The following CDH26 variants were observed in gnomAD, a reference collection of about 807,000 sequenced individuals.
CDH26 encodes cadherin 26.
A neutral mutation model predicts 90.3 loss-of-function variants in CDH26; 83 were observed. The ratio of observed to expected loss-of-function variants is 0.92; its 90% confidence interval spans 0.77 to 1.10. The LOEUF is 1.10. CDH26 is among the 50% of genes least tolerant of loss of function. The probability of loss-of-function intolerance (pLI) is 0.00; values close to 1 mark genes in which losing one functional copy is unlikely to be tolerated. For synonymous variants in CDH26, 397 were observed against 396.3 expected (o/e 1.00, Z -0.02); for missense variants, 1,013 against 1,037.6 (o/e 0.98, Z 0.33).
At position 60,013,838 on chromosome 20, in the gene CDH26, C is replaced by T. The variant is rs2061879491; in HGVS notation, c.*1108C>T. On this transcript the variant is annotated 3_prime_UTR_variant, in exon 18 of 18. Coordinates refer to ENST00000348616, the MANE Select transcript of CDH26 (RefSeq NM_177980.4). ...TCTTTTTAAGGAGATCTGGCCTTTT[C>T]CTACCTGGTTACCTCAGTCTTCCTC... 1 of 152,084 alleles carries T rather than the reference C, an allele frequency of 6.6e-6. No individual in the cohort carries two copies. Among genetic ancestry groups the T allele is most frequent in the Non-Finnish European group, 1.5e-5 (1 of 68,016 alleles). The allele number at this position is 152,084 out of a possible 1,614,324, so 9.4% of individuals were successfully genotyped here.
chr20:60,026,396 G>C (rs1420177325), intron 7 of CDH26, among the ~76,000 whole-genome samples: 1 of 65,644 alleles, frequency 1.5e-5, no homozygotes, highest in Non-Finnish European at 3.1e-5. Context: ...GAGTTAGAGA[G>C]AGAGAGAGAG....
Position 59,980,089 on chromosome 20 carries a change from G to T in CDH26, c.394-2834G>T, listed in dbSNP as rs536424857. ...TTGCATTCTCATTAGAAACGTATAA[G>T]AATTCTGATTGCTCTGCATCTTTGG... On this transcript the variant is annotated intron_variant, in intron 4 of 17. Coordinates refer to ENST00000348616, the MANE Select transcript of CDH26 (RefSeq NM_177980.4). 2.6e-5 allele frequency among the ~76,000 whole-genome samples: 4 copies of T among 152,240 alleles called. No homozygotes were observed. In the South Asian group the frequency reaches 8.3e-4, roughly 32 times the overall value.
At chr20:60,021,897 C>CACACACACACACACACACACACATAT (rs1295572684) in intron 7 of CDH26, among the ~76,000 whole-genome samples, 6 of 78,992 alleles carry the variant, frequency 7.6e-5, no homozygotes, top group Admixed American at 1.3e-4. Context: ...CACACACACA[C>CACACACACACACACACACACACATAT]ATATATATAT....
Position 60,013,573 on chromosome 20 carries a change from G to C in CDH26, c.*843G>C, listed in dbSNP as rs1245705337. ...TTTCTAGTCTGAGTAATAGATAAGA[G>C]ACTGACTAAGCAAAGTTTAAAATGC... On this transcript the variant is annotated 3_prime_UTR_variant, in exon 18 of 18. Transcript: ENST00000348616. 6.6e-6 allele frequency: 1 copy of C among 152,188 alleles called. No individual in the cohort carries two copies. The highest frequency in any genetic ancestry group is 1.5e-5 in the Non-Finnish European group (1 of 68,024). 9.4% of individuals were successfully genotyped at this position (152,188 alleles called of 1,614,324 possible). A position where few individuals can be genotyped will look rare whatever the true frequency, so the allele number is the denominator to read the frequency against.
At position 59,996,692 on chromosome 20, in the gene CDH26, T is replaced by C. The variant is rs1282402801; in HGVS notation, c.1950T>C (p.Ser650=). 1.2e-6 allele frequency: 2 copies of C among 1,614,208 alleles called. No homozygotes were observed. The highest frequency in any genetic ancestry group is 1.7e-5 in the Admixed American group (1 of 60,030). Residue 650 remains serine (S), a synonymous_variant, in exon 13 of 18, where the codon TCT becomes TCC. Transcript: ENST00000348616. ...TTGAACCTAAGAGGCATGGATGCTCTGTATCCAATGATGAAGGCCACCAAA... is the reference window on the plus strand; with the variant it reads ...TTGAACCTAAGAGGCATGGATGCTCCGTATCCAATGATGAAGGCCACCAAA... ...FVLEPKRHGC[S]VSNDEGHQTL... is the part of the protein sequence containing the mutation.
downstream of CDH26, among the ~76,000 whole-genome samples, chr20:60,018,054 G>C (rs1039732515): frequency 8.6e-5 from 13 of 151,928 alleles, no homozygotes; most frequent in African/African-American, 3.1e-4. Flanking sequence ...AAAGTTACAT[G>C]TGCTGATGAA....
intron 4 of CDH26, among the ~76,000 whole-genome samples, chr20:59,980,594 G>A (rs1445325270): frequency 1.3e-5 from 2 of 152,046 alleles, no homozygotes; most frequent in South Asian, 2.1e-4. Flanking sequence ...CACCACACCC[G>A]GCCATATATT....
At chr20:59,975,014 A>G (rs982841969) in intron 4 of CDH26, among the ~76,000 whole-genome samples, 11 of 152,116 alleles carry the variant, frequency 7.2e-5, no homozygotes, top group African/African-American at 2.4e-4. Flanking sequence ...GGCTCCTCAC[A>G]TAATAGGTTC....
intron 1 of CDH26, among the ~76,000 whole-genome samples, chr20:59,967,905 C>CT (rs1316469067): frequency 0.021 from 2,404 of 111,908 alleles, 38 homozygotes; most frequent in Non-Finnish European, 0.028. Context: ...TCCTTCCTTC[C>CT]TTCCTTTCCT....
intron 7 of CDH26, among the ~76,000 whole-genome samples, chr20:60,029,324 A>ATAGCACCTATAGTCAACAACG (rs1569072187): frequency 1.8e-5 from 2 of 109,358 alleles, no homozygotes; most frequent in South Asian, 3.0e-4. Flanking sequence ...AGTCAACAAC[A>ATAGCACCTATAGTCAACAACG]TAGCACCTAT....
intron 7 of CDH26, among the ~76,000 whole-genome samples, chr20:60,027,869 T>A (rs117907032): frequency 0.012 from 1,860 of 152,316 alleles, 22 homozygotes; most frequent in Non-Finnish European, 0.018. Flanking sequence ...CCTTTTAAAA[T>A]TGAAATTTTG....
intron 7 of CDH26, among the ~76,000 whole-genome samples, chr20:60,022,353 A>T (rs1320011271): frequency 6.6e-6 from 1 of 152,262 alleles, no homozygotes; most frequent in Non-Finnish European, 1.5e-5. Context: ...CAGTCCAAAG[A>T]TAGCGGCAGT....
At chr20:60,001,529 T>A (rs1206311998) in intron 15 of CDH26, 118 bp downstream of exon 15, 1 of 1,447,168 alleles carries the variant, frequency 6.9e-7, no homozygotes, top group Non-Finnish European at 9.1e-7. Flanking sequence ...AGGCACATAG[T>A]CAATGAAAAT....
Position 60,021,871 on chromosome 20 carries a change from C to CACACACACAT in CDH26, c.948-9351_948-9350insTACACACACA, listed in dbSNP as rs1555903652. ...CTGTACACACACACACACACACACA[C>CACACACACAT]ACACACACACACACACACACACACA... is the stretch of plus-strand genomic sequence containing the variant. On this transcript the variant is annotated intron_variant, in intron 7 of 8. Transcript: ENST00000370991. Among the ~76,000 whole-genome samples, 172 of 106,068 alleles carry CACACACACAT rather than the reference C, an allele frequency of 1.6e-3. 8 individuals carry two copies. Among genetic ancestry groups the CACACACACAT allele is most frequent in the African/African-American group, 5.1e-3 (165 of 32,198 alleles). The allele number at this position is 106,068 out of a possible 152,430, so 69.6% of individuals were successfully genotyped here.
chr20:60,004,786 GAA>G (rs2061724331), intron 16 of CDH26, among the ~76,000 whole-genome samples: 1 of 125,882 alleles, frequency 7.9e-6, no homozygotes, highest in African/African-American at 3.2e-5. Flanking sequence ...AAAAAAAAAA[GAA>G]AAGAAAAAAA....
intron 4 of CDH26, among the ~76,000 whole-genome samples, chr20:59,974,504 G>T (rs1456522707): frequency 1.3e-5 from 2 of 152,144 alleles, no homozygotes; most frequent in Non-Finnish European, 2.9e-5. Context: ...GAAATGCTTG[G>T]TGCATCACAG....
intron 13 of CDH26, among the ~76,000 whole-genome samples, chr20:59,998,496 ATGGTGGCAC>A (rs2061630715): frequency 6.6e-6 from 1 of 152,180 alleles, no homozygotes; most frequent in Non-Finnish European, 1.5e-5. Flanking sequence ...GCTTAATGAC[ATGGTGGCAC>A]TGGTCAAAGA....
At chr20:59,974,831 C>T (rs2061308622) in intron 4 of CDH26, among the ~76,000 whole-genome samples, 2 of 152,144 alleles carry the variant, frequency 1.3e-5, no homozygotes, top group Admixed American at 1.3e-4. Flanking sequence ...ATTTTCTCCT[C>T]AACACCACTC....
chr20:59,967,815 TTCTTTC>T (rs1237999401), intron 1 of CDH26, among the ~76,000 whole-genome samples: 422 of 19,818 alleles, frequency 0.021, 2 homozygotes, highest in Non-Finnish European at 0.032. Context: ...CCTCCCTCAT[TTCTTTC>T]TTTCTTTCTT....
Sources: allele counts gnomAD v4.1 joint callset (sites outside exome capture counted in the v4.1 genomes callset), GRCh38; gene constraint gnomAD v4.1.1; transcripts MANE v1.5; gene names NCBI Gene and HGNC (gene_info 2026-07-23, HGNC 2026-07-21).